The following ZNF385D variants were observed in gnomAD, a reference collection of about 807,000 sequenced individuals.
ZNF385D encodes the protein zinc finger protein 659.
In ZNF385D, 15 loss-of-function variants were observed where a neutral mutation model predicts 35.8. The observed-to-expected ratio is 0.42, with a 90% CI of 0.28 to 0.64. The LOEUF is 0.64. Ranked by LOEUF, ZNF385D falls within the 30% of genes least tolerant of loss-of-function variation. The probability of loss-of-function intolerance (pLI) is 0.23; values close to 1 mark genes in which losing one functional copy is unlikely to be tolerated. For synonymous variants in ZNF385D, 212 were observed against 186.8 expected (o/e 1.13, Z -1.10); for missense variants, 474 against 494.6 (o/e 0.96, Z 0.39).
intron 3 of ZNF385D, among the ~76,000 whole-genome samples, chr3:21,811,143 A>C (rs1031801986): frequency 6.6e-6 from 1 of 152,112 alleles, no homozygotes; most frequent in African/African-American, 2.4e-5. Flanking sequence ...CTTAAATCAG[A>C]ATTGAAAATA....
intron 3 of ZNF385D, among the ~76,000 whole-genome samples, chr3:21,901,057 C>A (rs2125898053): frequency 6.6e-6 from 1 of 152,320 alleles, no homozygotes; most frequent in African/African-American, 2.4e-5. Context: ...AACATCATAA[C>A]ACTAATGAGC....
intron 3 of ZNF385D, among the ~76,000 whole-genome samples, chr3:21,976,393 AATG>A (rs1338765330): frequency 5.3e-5 from 8 of 152,198 alleles, no homozygotes; most frequent in Non-Finnish European, 8.8e-5. Context: ...CCAAGTGGAG[AATG>A]ATAAGAGGAT....
rs1216944093 is a variant in ZNF385D, at chr3:21,984,193, G to T, written c.325+184624C>A. ...AATTAGATCCCATTTGTCAATTTTG[G>T]CTTTTGTTGCCATTGCTTTTGGTGT... is the stretch of plus-strand genomic sequence containing the variant. On this transcript the variant is annotated intron_variant, in intron 3 of 5. Coordinates refer to the ZNF385D transcript ENST00000494108. 1.3e-4 allele frequency among the ~76,000 whole-genome samples: 19 copies of T among 145,714 alleles called. 1 individual carries two copies. The highest frequency in any genetic ancestry group is 6.9e-3 in the Middle Eastern group (2 of 290).
At chr3:21,633,228 A>G (rs2065332607) in intron 2 of ZNF385D, among the ~76,000 whole-genome samples, 1 of 152,076 alleles carries the variant, frequency 6.6e-6, no homozygotes, top group South Asian at 2.1e-4. Flanking sequence ...AGCAGTTTTT[A>G]TTTCATTCTG....
chr3:22,069,918 G>A (rs1031281621), intron 3 of ZNF385D, among the ~76,000 whole-genome samples: 1 of 152,144 alleles, frequency 6.6e-6, no homozygotes, highest in African/African-American at 2.4e-5. Flanking sequence ...TACAGAATGG[G>A]TTTCAGAGTG....
intron 3 of ZNF385D, among the ~76,000 whole-genome samples, chr3:21,872,452 G>A (rs1187688609): frequency 6.6e-6 from 1 of 152,112 alleles, no homozygotes; most frequent in Non-Finnish European, 1.5e-5. Flanking sequence ...AGATACTGAA[G>A]GCATTTTGGA....
intron 2 of ZNF385D, among the ~76,000 whole-genome samples, chr3:21,596,783 G>A (rs933659055): frequency 1.3e-5 from 2 of 151,856 alleles, no homozygotes; most frequent in African/African-American, 2.4e-5. Flanking sequence ...CTGGCCACAA[G>A]TAGTTTTAAT....
chr3:21,510,863 G>C lies in ZNF385D; in HGVS notation c.437C>G (p.Thr146Arg). 1 of 1,613,994 alleles carries C rather than the reference G, an allele frequency of 6.2e-7. No homozygotes were observed. Among genetic ancestry groups the C allele is most frequent in the Non-Finnish European group, 8.5e-7 (1 of 1,179,900 alleles). The part of the protein sequence containing the change: ...TNTINTSSDK[T>R]DGTAGTPAIS... ...AACAACAAAGATCATTGCTTAACCTGTTTTGTCAGAGCTGGTATTGATGGT... is the reference window on the plus strand; with the variant it reads ...AACAACAAAGATCATTGCTTAACCTCTTTTGTCAGAGCTGGTATTGATGGT... Residue 146 changes from threonine (T) to arginine (R), a missense_variant and splice_region_variant, in exon 4 of 8, where the codon ACA becomes AGA. Thr to Arg is a moderately conservative substitution (Grantham distance 71). Coordinates refer to ENST00000281523, the MANE Select transcript of ZNF385D (RefSeq NM_024697.3).
intron 3 of ZNF385D, among the ~76,000 whole-genome samples, chr3:22,017,735 C>T (rs1233319266): frequency 2.0e-5 from 3 of 151,906 alleles, no homozygotes; most frequent in African/African-American, 7.2e-5. Flanking sequence ...ATTTCTCCTA[C>T]CATTTTCATT....
intron 3 of ZNF385D, among the ~76,000 whole-genome samples, chr3:22,149,094 G>A (rs1429612937): frequency 2.0e-5 from 3 of 152,102 alleles, no homozygotes; most frequent in Admixed American, 6.5e-5. Flanking sequence ...ACTAAGAGCT[G>A]GTTAGAAATG....
chr3:21,870,409 T>A (rs1305918144), intron 3 of ZNF385D, among the ~76,000 whole-genome samples: 1 of 152,194 alleles, frequency 6.6e-6, no homozygotes, highest in Non-Finnish European at 1.5e-5. Context: ...CAGACATGGA[T>A]GCTCTTCTAC....
chr3:21,558,683 T>G lies in ZNF385D; in HGVS notation c.276+5891A>C. On this transcript the variant is annotated intron_variant, in intron 3 of 7. Transcript: ENST00000281523. ...CTATTGGGCCCGCTTGGCCCAGAGCTGAGTTCTGAATATCTTTGTTAATTT... is the reference window on the plus strand; with the variant it reads ...CTATTGGGCCCGCTTGGCCCAGAGCGGAGTTCTGAATATCTTTGTTAATTT... 1.3e-5 allele frequency among the ~76,000 whole-genome samples: 2 copies of G among 152,168 alleles called. 1 individual carries two copies.
chr3:21,537,124 CTTTTTTT>C (rs35873199), intron 3 of ZNF385D, among the ~76,000 whole-genome samples: 1 of 95,008 alleles, frequency 1.1e-5, no homozygotes, highest in Non-Finnish European at 1.9e-5. Context: ...AAAATATCAA[CTTTTTTT>C]TTTTTTTTTT....
At chr3:22,118,571 A>G (rs1351205811) in intron 3 of ZNF385D, among the ~76,000 whole-genome samples, 1 of 152,092 alleles carries the variant, frequency 6.6e-6, no homozygotes, top group African/African-American at 2.4e-5. Flanking sequence ...GTATACTTCT[A>G]GTATTTTGAA....
At chr3:21,654,072 G>C (rs941727808) in intron 2 of ZNF385D, among the ~76,000 whole-genome samples, 2 of 151,338 alleles carry the variant, frequency 1.3e-5, no homozygotes, top group African/African-American at 4.8e-5. Context: ...TGTACAACTG[G>C]ACTGTCATTT....
intron 3 of ZNF385D, among the ~76,000 whole-genome samples, chr3:21,791,486 A>G (rs1575656891): frequency 6.6e-6 from 1 of 152,148 alleles, no homozygotes; most frequent in East Asian, 1.9e-4. Flanking sequence ...TTAAGGAGGA[A>G]CTCCTTTCCC....
At chr3:22,080,517 G>A (rs1480821506) in intron 3 of ZNF385D, among the ~76,000 whole-genome samples, 2 of 151,878 alleles carry the variant, frequency 1.3e-5, no homozygotes, top group Non-Finnish European at 2.9e-5. Flanking sequence ...CGGCCACTCA[G>A]TATATAACAG....
intron 3 of ZNF385D, among the ~76,000 whole-genome samples, chr3:21,821,911 A>T (rs2125736954): frequency 6.7e-6 from 1 of 148,938 alleles, no homozygotes; most frequent in East Asian, 2.0e-4. Context: ...GGCTGCAGTG[A>T]GCCATCATCA....
chr3:22,171,191 A>G (rs542984946), intron 2 of ZNF385D, among the ~76,000 whole-genome samples: 1 of 152,228 alleles, frequency 6.6e-6, no homozygotes, highest in East Asian at 1.9e-4. Context: ...TAGGTTTGCC[A>G]GAATTAGGCA....
Sources: allele counts gnomAD v4.1 joint callset (sites outside exome capture counted in the v4.1 genomes callset), GRCh38; gene constraint gnomAD v4.1.1; transcripts MANE v1.5; gene names NCBI Gene and HGNC (gene_info 2026-07-23, HGNC 2026-07-21).